The following ROBO2 variants were observed in gnomAD, a reference collection of about 807,000 sequenced individuals.
ROBO2 encodes roundabout guidance receptor 2.
A neutral mutation model predicts 160.8 loss-of-function variants in ROBO2; 53 were observed. The ratio of observed to expected loss-of-function variants is 0.33; its 90% CI spans 0.26 to 0.41. The LOEUF is 0.41. Among genes scored for constraint, ROBO2 ranks in the 10% least tolerant of loss-of-function variants. The pLI is 1.00. For missense variants in ROBO2, 1,577 were observed against 1,722.4 expected (o/e 0.92, Z 1.49); for synonymous variants, 664 against 611.7 (o/e 1.09, Z -1.26).
At chr3:76,476,819 A>T (rs2078954964) in intron 2 of ROBO2, among the ~76,000 whole-genome samples, 1 of 148,230 alleles carries the variant, frequency 6.7e-6, no homozygotes, top group Admixed American at 7.0e-5. Flanking sequence ...ATCACACCTA[A>T]TTTATATTCT....
intron 9 of ROBO2, among the ~76,000 whole-genome samples, chr3:77,559,956 C>T (rs1376728385): frequency 6.6e-6 from 1 of 152,036 alleles, no homozygotes; most frequent in African/African-American, 2.4e-5. Context: ...CTTCTTTGAA[C>T]AAAATGGAAG....
intron 1 of ROBO2, among the ~76,000 whole-genome samples, chr3:77,090,225 G>C (rs887689176): frequency 6.8e-6 from 1 of 146,448 alleles, no homozygotes. Context: ...TGGAGTATTT[G>C]TCATGTTTTG....
chr3:77,339,356 A>G (rs965027514), intron 2 of ROBO2, among the ~76,000 whole-genome samples: 8 of 152,126 alleles, frequency 5.3e-5, no homozygotes, highest in Admixed American at 1.3e-4. Context: ...TGGTCAGGTG[A>G]TAAAGAAAAG....
chr3:77,455,597 A>C (rs1029543659), intron 2 of ROBO2, among the ~76,000 whole-genome samples: 22 of 151,942 alleles, frequency 1.4e-4, no homozygotes, highest in African/African-American at 5.1e-4. Flanking sequence ...ACGCCCAGCT[A>C]ATTTTTGTAT....
At chr3:76,653,597 A>G (rs1206602173) in intron 2 of ROBO2, among the ~76,000 whole-genome samples, 2 of 152,040 alleles carry the variant, frequency 1.3e-5, no homozygotes, top group Non-Finnish European at 2.9e-5. Context: ...AATTATACAC[A>G]CAGAGTTCAT....
At chr3:76,786,011 T>A (rs1476549626) in intron 2 of ROBO2, among the ~76,000 whole-genome samples, 2 of 151,316 alleles carry the variant, frequency 1.3e-5, no homozygotes, top group African/African-American at 4.8e-5. Flanking sequence ...AAGTTCCTGA[T>A]ATATATTTAC....
chr3:76,450,293 T>C (rs1272952971), intron 2 of ROBO2, among the ~76,000 whole-genome samples: 2 of 152,192 alleles, frequency 1.3e-5, no homozygotes, highest in Non-Finnish European at 2.9e-5. Flanking sequence ...AATTGTGATG[T>C]TTAAGATAAT....
chr3:76,298,272 A>G (rs1206872591), intron 2 of ROBO2, among the ~76,000 whole-genome samples: 3 of 152,146 alleles, frequency 2.0e-5, no homozygotes, highest in Non-Finnish European at 4.4e-5. Flanking sequence ...GGGAGGAAGA[A>G]AGAGGAAAGG....
intron 6 of ROBO2, among the ~76,000 whole-genome samples, chr3:77,538,687 T>C (rs2092301703): frequency 6.6e-6 from 1 of 152,098 alleles, no homozygotes; most frequent in Admixed American, 6.5e-5. Context: ...TAACAGAAAA[T>C]CTTTTGAAAT....
At chr3:77,458,373 C>T (rs7651943) in intron 2 of ROBO2, among the ~76,000 whole-genome samples, 16,023 of 152,054 alleles carry the variant, frequency 0.11, 1,059 homozygotes, top group East Asian at 0.27. Context: ...GTTTTAATAA[C>T]GGTGAATGAG....
At chr3:76,554,249 G>T (rs2083577354) in intron 2 of ROBO2, among the ~76,000 whole-genome samples, 2 of 152,074 alleles carry the variant, frequency 1.3e-5, no homozygotes, top group African/African-American at 4.8e-5. Flanking sequence ...GAACAGAACA[G>T]CCTTTTCTTA....
chr3:76,680,909 G>T (rs7642720), intron 2 of ROBO2, among the ~76,000 whole-genome samples: 86,516 of 151,636 alleles, frequency 0.57, 26,122 homozygotes, highest in East Asian at 0.78. Context: ...CCCGAGTAGC[G>T]GAGACTACCG....
chr3:77,053,508 G>T (rs944615814), intron 1 of ROBO2, among the ~76,000 whole-genome samples: 57 of 152,160 alleles, frequency 3.7e-4, no homozygotes, highest in African/African-American at 1.3e-3. Context: ...TGTTAAGAGG[G>T]GGTAATACCC....
At chr3:76,701,903 CTGTATGT>C (rs2093052867) in intron 2 of ROBO2, among the ~76,000 whole-genome samples, 2 of 149,886 alleles carry the variant, frequency 1.3e-5, no homozygotes, top group Admixed American at 1.3e-4. Context: ...GTTCGGAGAA[CTGTATGT>C]ATTTAGAAAT....
intron 2 of ROBO2, among the ~76,000 whole-genome samples, chr3:76,391,139 A>G (rs2108643587): frequency 6.6e-6 from 1 of 152,216 alleles, no homozygotes; most frequent in South Asian, 2.1e-4. Flanking sequence ...AGTATTTTGC[A>G]TCTTGACTTA....
At chr3:77,596,096 T>C (rs1484468218) in intron 18 of ROBO2, among the ~76,000 whole-genome samples, 1 of 152,174 alleles carries the variant, frequency 6.6e-6, no homozygotes, top group Admixed American at 6.5e-5. Flanking sequence ...TATTTTGCAA[T>C]TTAGAACTTG....
Position 77,294,263 on chromosome 3 carries a change from G to A in ROBO2, c.389-183151G>A, listed in dbSNP as rs1297128798. On this transcript the variant is annotated intron_variant, in intron 2 of 25. Transcript: ENST00000461745. ...CATAAAGTAAAATTGATGGTTAAAC[G>A]GGAAGTTGAGGCTAGAGCACTAAAG... 4.2e-5 allele frequency among the ~76,000 whole-genome samples: 6 copies of A among 143,620 alleles called. 1 individual carries two copies. Among genetic ancestry groups the A allele is most frequent in the Non-Finnish European group, 1.5e-5 (1 of 66,294 alleles). The allele number at this position is 143,620 out of a possible 152,430, so 94.2% of individuals were successfully genotyped here. A position where few individuals can be genotyped will look rare whatever the true frequency, so the allele number is the denominator to read the frequency against.
intron 2 of ROBO2, among the ~76,000 whole-genome samples, chr3:76,364,525 A>G (rs2075700439): frequency 6.6e-6 from 1 of 152,044 alleles, no homozygotes; most frequent in South Asian, 2.1e-4. Context: ...GGTTATGTAG[A>G]ATCCTTTCTT....
At chr3:76,244,546 T>C (rs1705499673) in intron 2 of ROBO2, among the ~76,000 whole-genome samples, 1 of 152,208 alleles carries the variant, frequency 6.6e-6, no homozygotes, top group African/African-American at 2.4e-5. Context: ...TTCAGGCTTA[T>C]AGATGATAAA....
Sources: allele counts gnomAD v4.1 joint callset (sites outside exome capture counted in the v4.1 genomes callset), GRCh38; gene constraint gnomAD v4.1.1; transcripts MANE v1.5; gene names NCBI Gene and HGNC (gene_info 2026-07-23, HGNC 2026-07-21).